The following OTOP3 variants were observed in gnomAD, a reference collection of about 807,000 sequenced individuals.
OTOP3 encodes the protein otopetrin 3.
Under a neutral mutation model 50.8 loss-of-function variants are expected in OTOP3, and 41 were observed. The observed-to-expected ratio is 0.81, with a 90% CI of 0.63 to 1.05. OTOP3 has a LOEUF of 1.05. Ranked by LOEUF, OTOP3 falls within the 50% of genes least tolerant of loss-of-function variation. The probability of loss-of-function intolerance (pLI) is 0.00; values close to 1 mark genes in which losing one functional copy is unlikely to be tolerated. For missense variants in OTOP3, 788 were observed against 760.8 expected (o/e 1.04, Z -0.42); for synonymous variants, 320 against 324.4 (o/e 0.99, Z 0.14).
chr17:74,942,609 C>T (rs370181200), intron 3 of OTOP3, among the ~76,000 whole-genome samples: 17 of 150,288 alleles, frequency 1.1e-4, no homozygotes, highest in African/African-American at 2.4e-4. Flanking sequence ...CCAGCCTGGG[C>T]GACAGAGTGA....
intron 1 of OTOP3, among the ~76,000 whole-genome samples, chr17:74,939,442 C>G (rs1416053096): frequency 1.3e-5 from 2 of 152,022 alleles, no homozygotes; most frequent in African/African-American, 2.4e-5. Flanking sequence ...CTCTAGGGAG[C>G]CTTCTGGGTC....
intron 1 of OTOP3, among the ~76,000 whole-genome samples, chr17:74,936,340 G>T (rs2039114890): frequency 6.6e-6 from 1 of 152,156 alleles, no homozygotes; most frequent in South Asian, 2.1e-4. Flanking sequence ...TCCCGAGGGC[G>T]CCCGCACTCA....
rs1555629576 is a variant in OTOP3, at chr17:74,936,961, C to CCTTT, written c.19+1021_19+1022insCTTT. 1.8e-3 allele frequency among the ~76,000 whole-genome samples: 184 copies of CCTTT among 101,260 alleles called. 7 individuals carry two copies. Among genetic ancestry groups the CCTTT allele is most frequent in the Non-Finnish European group, 2.9e-3 (147 of 51,066 alleles). The allele number at this position is 101,260 out of a possible 152,430, so 66.4% of individuals were successfully genotyped here. On this transcript the variant is annotated intron_variant, in intron 1 of 6. Transcript: ENST00000328801. The stretch of plus-strand genomic sequence containing the variant: ...ATTCGGCATTCATCACCCCCCCACC[C>CCTTT]TTTTTTTTTTTTTTTTTTTGAGACA...
intron 1 of OTOP3, among the ~76,000 whole-genome samples, chr17:74,940,536 T>G (rs1054444585): frequency 6.6e-6 from 1 of 152,052 alleles, no homozygotes; most frequent in Admixed American, 6.5e-5. Flanking sequence ...AGGTAAGTGA[T>G]GGGGAGGGAG....
At chr17:74,940,515 C>G (rs533653216) in intron 1 of OTOP3, among the ~76,000 whole-genome samples, 3 of 152,222 alleles carry the variant, frequency 2.0e-5, no homozygotes, top group South Asian at 4.2e-4. Flanking sequence ...GGAACCAGGC[C>G]GCATAGCAGG....
At chr17:74,945,383 C>A (rs2039215824) in intron 5 of OTOP3, among the ~76,000 whole-genome samples, 1 of 152,216 alleles carries the variant, frequency 6.6e-6, no homozygotes, top group Non-Finnish European at 1.5e-5. Flanking sequence ...CTCCAGTTAG[C>A]CCCAGAAATG....
chr17:74,945,100 A>C (rs999242397), intron 5 of OTOP3, among the ~76,000 whole-genome samples: 4 of 152,146 alleles, frequency 2.6e-5, no homozygotes, highest in African/African-American at 9.7e-5. Context: ...GGCACATGCC[A>C]GCACACCCAG....
rs769770093 is a variant in OTOP3 at position 74,946,678 on chromosome 17, T to C, written c.769T>C (p.Cys257Arg). ...EKSTGNETNT[C>R]LCLNATACEA... ...CCTCCCAGGCAATGAGACCAACACC[T>C]GTCTGTGCCTCAATGCCACCGCGTG... The change falls in exon 6 of 7, where the codon TGT becomes CGT. Residue 257 changes from cysteine (C) to arginine (R), a missense_variant. Transcript: ENST00000328801. 1 of 1,607,488 alleles carries C rather than the reference T, an allele frequency of 6.2e-7. No individual in the cohort carries two copies. The highest frequency in any genetic ancestry group is 8.5e-7 in the Non-Finnish European group (1 of 1,176,338).
At chr17:74,938,890 A>AG (rs1333213282) in intron 1 of OTOP3, among the ~76,000 whole-genome samples, 1 of 151,970 alleles carries the variant, frequency 6.6e-6, no homozygotes, top group Non-Finnish European at 1.5e-5. Context: ...AATCAGGGCC[A>AG]GGCATGGTGG....
At chr17:74,945,679 G>A (rs1427701935) in intron 5 of OTOP3, among the ~76,000 whole-genome samples, 1 of 152,210 alleles carries the variant, frequency 6.6e-6, no homozygotes, top group African/African-American at 2.4e-5. Context: ...TGCTAAGGCC[G>A]ATGGCTGGGT....
intron 1 of OTOP3, among the ~76,000 whole-genome samples, chr17:74,940,752 C>A (rs375073165): frequency 6.6e-6 from 1 of 152,152 alleles, no homozygotes; most frequent in Non-Finnish European, 1.5e-5. Flanking sequence ...TTGTCTTCCA[C>A]GAAACTGCTC....
chr17:74,947,219 T>C lies in OTOP3; in HGVS notation c.1310T>C (p.Leu437Pro). Residue 437 changes from leucine (L) to proline (P), a missense_variant, in exon 6 of 7, where the codon CTG (leucine) becomes CCG (proline). Physicochemically the swap from Leu to Pro is moderately conservative, Grantham distance 98. Transcript: ENST00000328801. ...AACCGCCTCATCCTGGCCTACTCGC[T>C]GCTGCTCATCCTGCAGCACATCGCT... is the stretch of plus-strand genomic sequence containing the variant. ...LLNRLILAYS[L>P]LLILQHIAQN... 2.5e-6 allele frequency: 4 copies of C among 1,613,986 alleles called. No homozygotes were observed. The highest frequency in any genetic ancestry group is 3.4e-6 in the Non-Finnish European group (4 of 1,180,022).
chr17:74,935,873 T>A (rs1410715627), upstream of OTOP3: 1 of 1,547,602 alleles, frequency 6.5e-7, no homozygotes, highest in Non-Finnish European at 8.7e-7. Context: ...CGGTCTCACC[T>A]GGACGGACGA....
chr17:74,939,056 C>T (rs1399456037), intron 1 of OTOP3, among the ~76,000 whole-genome samples: 1 of 151,964 alleles, frequency 6.6e-6, no homozygotes, highest in Non-Finnish European at 1.5e-5. Context: ...TGCCTGTAGT[C>T]CCAACTACTC....
chr17:74,938,161 A>G (rs2039137086), intron 1 of OTOP3, among the ~76,000 whole-genome samples: 1 of 152,168 alleles, frequency 6.6e-6, no homozygotes, highest in East Asian at 1.9e-4. Flanking sequence ...CTTAAGTTTT[A>G]GTGCTCCATC....
At chr17:74,942,765 C>T (rs926724423) in intron 3 of OTOP3, among the ~76,000 whole-genome samples, 1 of 151,778 alleles carries the variant, frequency 6.6e-6, no homozygotes, top group Non-Finnish European at 1.5e-5. Context: ...CACAGTGAAA[C>T]CCTGTCTCTA....
intron 1 of OTOP3, among the ~76,000 whole-genome samples, chr17:74,939,363 C>T (rs1419468580): frequency 1.3e-5 from 2 of 152,036 alleles, no homozygotes; most frequent in Non-Finnish European, 2.9e-5. Flanking sequence ...CAATGAGCAC[C>T]TAGAACCCTG....
chr17:74,948,049 C>A (rs1268870851), intron 6 of OTOP3, among the ~76,000 whole-genome samples: 22 of 152,204 alleles, frequency 1.4e-4, no homozygotes, highest in Admixed American at 1.4e-3. Context: ...GCACTGAAAA[C>A]ATACCTGAGA....
At chr17:74,939,761 A>C (rs373809499) in intron 1 of OTOP3, among the ~76,000 whole-genome samples, 2 of 152,222 alleles carry the variant, frequency 1.3e-5, no homozygotes, top group African/African-American at 2.4e-5. Flanking sequence ...GGGCACAGAA[A>C]TAGAAGCCAG....
Sources: allele counts gnomAD v4.1 joint callset (sites outside exome capture counted in the v4.1 genomes callset), GRCh38; gene constraint gnomAD v4.1.1; transcripts MANE v1.5; gene names NCBI Gene and HGNC (gene_info 2026-07-23, HGNC 2026-07-21).